Variants in CPNE7 observed in about 807,000 individuals in gnomAD.
The protein encoded by CPNE7 is copine-7.
Under a neutral mutation model 66.5 loss-of-function variants are expected in CPNE7, and 78 were observed. The ratio of observed to expected loss-of-function variants is 1.17; its 90% CI spans 0.98 to 1.42. The LOEUF (loss-of-function observed/expected upper bound fraction) is 1.42, where lower values mean the gene tolerates loss of function less well. Among genes scored for constraint, CPNE7 ranks in the 40% most tolerant of loss-of-function variants. The pLI is 0.00. For missense variants in CPNE7, 1,012 were observed against 776.6 expected (o/e 1.30, Z -3.60); for synonymous variants, 468 against 336.7 (o/e 1.39, Z -4.27).
chr16:89,579,303 A>T (rs1000326963), intron 2 of CPNE7, among the ~76,000 whole-genome samples: 3 of 152,046 alleles, frequency 2.0e-5, no homozygotes, highest in African/African-American at 7.3e-5. Flanking sequence ...AAAAAAAAAA[A>T]ATTTTACGAT....
chr16:89,589,286 C>A (rs185919936), intron 10 of CPNE7, among the ~76,000 whole-genome samples: 1 of 152,012 alleles, frequency 6.6e-6, no homozygotes, highest in South Asian at 2.1e-4. Context: ...AGCAAGACTC[C>A]GTCTCAAAAA....
rs573872660 is a variant in CPNE7, at chr16:89,579,777, A to T, written c.357+2056A>T. Among the ~76,000 whole-genome samples the T allele has an allele frequency of 2.1e-5, 3 of 140,100 alleles. No homozygotes were observed. In the South Asian group the frequency reaches 7.3e-4, roughly 34 times the overall value. 91.9% of individuals were successfully genotyped at this position (140,100 alleles called of 152,430 possible). A position where few individuals can be genotyped will look rare whatever the true frequency, so the allele number is the denominator to read the frequency against. On this transcript the variant is annotated intron_variant, in intron 2 of 14. Coordinates refer to ENST00000319518, the MANE Select transcript of CPNE7 (RefSeq NM_153636.3). ...GAACATCTCACCCATCACACGGAACATCCCGTCACCCGCTGACACGGAACA... is the reference window on the plus strand; with the variant it reads ...GAACATCTCACCCATCACACGGAACTTCCCGTCACCCGCTGACACGGAACA...
In CPNE7 at chr16:89,577,598, G is replaced by C. The variant is rs774825737; in HGVS notation, c.234G>C (p.Thr78=). The change falls in exon 2 of 15, where the codon ACG becomes ACC. Residue 78 remains threonine (T), a synonymous_variant. Transcript: ENST00000319518. ...ATCCCGTGTTCTCCAAGGTCTTCAC[G>C]GTGGACTACTACTTCGAGGAGGTGC... ...SLHPVFSKVF[T]VDYYFEEVQR... 3.9e-5 allele frequency: 61 copies of C among 1,557,306 alleles called. No homozygotes were observed. The highest frequency in any genetic ancestry group is 5.0e-5 in the Non-Finnish European group (57 of 1,150,024).
intron 9 of CPNE7, 68 bp downstream of exon 9, chr16:89,587,170 T>C (rs1387672256): frequency 3.3e-6 from 2 of 602,704 alleles, no homozygotes; most frequent in Non-Finnish European, 4.7e-6. Flanking sequence ...GCCCCCTCAG[T>C]CCGTGGCCCC....
chr16:89,578,254 G>C (rs929423094), intron 2 of CPNE7, among the ~76,000 whole-genome samples: 1 of 151,614 alleles, frequency 6.6e-6, no homozygotes, highest in African/African-American at 2.4e-5. Context: ...CAGTAGAGAC[G>C]GGGTTTCACC....
chr16:89,591,994 C>T (rs1320478699), intron 13 of CPNE7, among the ~76,000 whole-genome samples: 4 of 146,558 alleles, frequency 2.7e-5, no homozygotes, highest in East Asian at 2.0e-4. Flanking sequence ...CCACCGTGCC[C>T]GGCATTCTTT....
chr16:89,585,543 G>A lies in CPNE7; in HGVS notation c.671G>A (p.Arg224Lys), dbSNP rs1017543674. ...TCCCTCTGCAGCTGCGAGGAGACAAGGCCTCTAAAGGTGGGGGACGGGATG... is the reference window on the plus strand; with the variant it reads ...TCCCTCTGCAGCTGCGAGGAGACAAAGCCTCTAAAGGTGGGGGACGGGATG... Reference protein sequence around the residue: ...LSSLCSCEETRPLKCLVWDYD... With the variant: ...LSSLCSCEETKPLKCLVWDYD... The change falls in exon 6 of 15, where the codon AGG becomes AAG. Residue 224 changes from arginine to lysine, a missense_variant. Coordinates refer to ENST00000319518, the MANE Select transcript of CPNE7 (RefSeq NM_153636.3). 6 of 1,610,748 alleles carry A rather than the reference G, an allele frequency of 3.7e-6. No individual in the cohort carries two copies. Among genetic ancestry groups the A allele is most frequent in the Non-Finnish European group, 4.2e-6 (5 of 1,178,816 alleles).
chr16:89,596,522 G>A lies in CPNE7; in HGVS notation c.1578G>A (p.Glu526=), dbSNP rs1278086707. The change falls in exon 15 of 15, where the codon GAG becomes GAA. Residue 526 remains glutamate (E), a synonymous_variant. Transcript: ENST00000319518. ...PAALAKCVLA[E]VPKQVVEYYS... is the part of the protein sequence containing the mutation. ...CGCTGGCCAAGTGCGTGCTGGCCGA[G>A]GTCCCGAAGCAGGTGGTGGAGTACT... is the stretch of plus-strand genomic sequence containing the variant. The A allele has an allele frequency of 2.5e-6, 4 of 1,610,066 alleles. No individual in the cohort carries two copies. Among genetic ancestry groups the A allele is most frequent in the East Asian group, 4.5e-5 (2 of 44,886 alleles).
intron 14 of CPNE7, chr16:89,596,020 C>T (rs2059250082): frequency 2.3e-5 from 11 of 470,856 alleles, no homozygotes; most frequent in South Asian, 1.8e-4. Context: ...AGGCAAGACA[C>T]ACATGTCACA....
intron 12 of CPNE7, 32 bp downstream of exon 12, chr16:89,591,090 G>A (rs1172749347): frequency 6.2e-7 from 1 of 1,613,436 alleles, no homozygotes; most frequent in South Asian, 1.1e-5. Context: ...GGGGAGGGGA[G>A]TGCAGGGGGG....
Position 89,575,848 on chromosome 16 carries a change from C to T in CPNE7, c.-50C>T, listed in dbSNP as rs1009531281. ...CGGGCGCCGCGGCGGCGCCGACTCG[C>T]GGGCAGCGGCCCCTCAGTGCGCCCA... On this transcript the variant is annotated 5_prime_UTR_variant, in exon 1 of 15. Coordinates refer to ENST00000319518, the MANE Select transcript of CPNE7 (RefSeq NM_153636.3). 8.6e-7 allele frequency: 1 copy of T among 1,157,926 alleles called. No homozygotes were observed. The highest frequency in any genetic ancestry group is 1.6e-5 in the African/African-American group (1 of 61,632). 71.7% of individuals were successfully genotyped at this position (1,157,926 alleles called of 1,614,324 possible). A position where few individuals can be genotyped will look rare whatever the true frequency, so the allele number is the denominator to read the frequency against.
At chr16:89,585,232 A>T (rs1450660551) in intron 5 of CPNE7, among the ~76,000 whole-genome samples, 6 of 152,208 alleles carry the variant, frequency 3.9e-5, no homozygotes, top group Non-Finnish European at 8.8e-5. Flanking sequence ...GAGGTGGCAG[A>T]AGTTACGAAG....
In CPNE7 at chr16:89,595,539, C is replaced by T. The variant is rs1441114280; in HGVS notation, c.1475C>T (p.Ser492Phe). 2.1e-5 allele frequency: 34 copies of T among 1,612,336 alleles called. No individual in the cohort carries two copies. Among genetic ancestry groups the T allele is most frequent in the Non-Finnish European group, 2.6e-5 (31 of 1,179,760 alleles). ...GACGGCGACGACGGCGTCCTGCGCT[C>T]CCCACGGGGTGAGCCCGCGCTCCGG... ...VLDGDDGVLR[S>F]PRGEPALRDI... Residue 492 changes from serine (S) to phenylalanine (F), a missense_variant, in exon 14 of 15, where the codon TCC becomes TTC. Coordinates refer to ENST00000319518, the MANE Select transcript of CPNE7 (RefSeq NM_153636.3).
In CPNE7 at chr16:89,577,583, C is replaced by G; in HGVS notation, c.219C>G (p.Phe73Leu). 1 of 1,553,748 alleles carries G rather than the reference C, an allele frequency of 6.4e-7. No individual in the cohort carries two copies. Among genetic ancestry groups the G allele is most frequent in the Non-Finnish European group, 8.7e-7 (1 of 1,148,078 alleles). The change falls in exon 2 of 15, where the codon TTC becomes TTG. Residue 73 changes from phenylalanine (F) to leucine (L), a missense_variant. Transcript: ENST00000319518. ...TCCGGAGCAGCCTGCATCCCGTGTTCTCCAAGGTCTTCACGGTGGACTACT... is the reference window on the plus strand; with the variant it reads ...TCCGGAGCAGCCTGCATCCCGTGTTGTCCAAGGTCTTCACGGTGGACTACT... ...EVVRSSLHPVFSKVFTVDYYF... is the reference protein window; with the variant it reads ...EVVRSSLHPVLSKVFTVDYYF...
At chr16:89,590,870 A>G in intron 11 of CPNE7, 137 bp from the exon 12 acceptor site, 1 of 585,364 alleles carries the variant, frequency 1.7e-6, no homozygotes, top group Non-Finnish European at 2.7e-6. Flanking sequence ...GGCGGGGGAC[A>G]TGAGGGCGGG....
At chr16:89,586,520 C>A in intron 7 of CPNE7, 150 bp from the exon 8 acceptor site, 1 of 628,428 alleles carries the variant, frequency 1.6e-6, no homozygotes, top group South Asian at 1.8e-5. Flanking sequence ...CCCACTCTGC[C>A]CCTTCCTGCT....
At chr16:89,583,933 G>A (rs1384912449) in intron 3 of CPNE7, 95 bp from the exon 4 acceptor site, 23 of 1,511,636 alleles carry the variant, frequency 1.5e-5, no homozygotes, top group Middle Eastern at 2.0e-4. Context: ...CTCAGGCCCC[G>A]CTGGGTGGGG....
At position 89,584,735 on chromosome 16, in the gene CPNE7, C is replaced by G; in HGVS notation, c.508-39C>G. ...CCAGCTCCCATCCAAAGCCCGATCT[C>G]ACAGTGCCTGGCCCAGCAGCCCTTG... On this transcript the variant is annotated intron_variant, in intron 4 of 14. Transcript: ENST00000319518. This position sits in a 1 kb window ranked among gnomAD's most constrained non-coding sequence, Gnocchi z 6.0. The G allele has an allele frequency of 6.6e-7, 1 of 1,522,086 alleles. No homozygotes were observed. The highest frequency in any genetic ancestry group is 1.4e-5 in the African/African-American group (1 of 73,140). The allele number at this position is 1,522,086 out of a possible 1,614,324, so 94.3% of individuals were successfully genotyped here. A position where few individuals can be genotyped will look rare whatever the true frequency, so the allele number is the denominator to read the frequency against.
chr16:89,591,846 G>A lies in CPNE7; in HGVS notation c.1302+586G>A, dbSNP rs2889542. Among the ~76,000 whole-genome samples, 833 of 151,204 alleles carry A rather than the reference G, an allele frequency of 5.5e-3. 10 individuals are homozygous for A. Among genetic ancestry groups the A allele is most frequent in the African/African-American group, 0.019 (775 of 41,086 alleles). ...CTCCCAAGGAGCTGGGACTACAGGCGCCCGCCACCACTTCTGGCTAATTTT... is the reference window on the plus strand; with the variant it reads ...CTCCCAAGGAGCTGGGACTACAGGCACCCGCCACCACTTCTGGCTAATTTT... On this transcript the variant is annotated intron_variant, in intron 13 of 14. Coordinates refer to ENST00000319518, the MANE Select transcript of CPNE7 (RefSeq NM_153636.3).
Sources: gnomAD v4.1 joint callset for allele counts (sites outside exome capture counted in the v4.1 genomes callset) on GRCh38, gnomAD v4.1.1 for gene constraint, Gnocchi (gnomAD v3.1) non-coding constraint, MANE v1.5 for transcripts, NCBI Gene and HGNC (gene_info 2026-07-23, HGNC 2026-07-21) for gene names.